PHEX: variants seen among roughly 807,000 people sequenced by gnomAD.
PHEX encodes the protein phosphate-regulating neutral endopeptidase PHEX.
PHEX carries 16 observed loss-of-function variants against 68.0 expected under a neutral mutation model. The observed-to-expected ratio is 0.24, with a 90% confidence interval of 0.16 to 0.36. PHEX has a LOEUF of 0.36. Ranked by LOEUF, PHEX falls within the 10% of genes least tolerant of loss-of-function variation. PHEX has a pLI of 1.00. For missense variants in PHEX, 480 were observed against 575.5 expected (o/e 0.83, Z 1.70); for synonymous variants, 208 against 205.1 (o/e 1.01, Z -0.12).
chrX:22,065,458 G>C (rs1928551296), intron 3 of PHEX, among the ~76,000 whole-genome samples: 1 of 110,322 alleles, frequency 9.1e-6, no homozygotes, highest in Non-Finnish European at 1.9e-5. Flanking sequence ...ACAGAGTCTT[G>C]CTCTTTCACC....
At chrX:22,064,536 G>C (rs1025584319) in intron 3 of PHEX, among the ~76,000 whole-genome samples, 1 of 111,535 alleles carries the variant, frequency 9.0e-6, no homozygotes, top group African/African-American at 3.3e-5. Flanking sequence ...TTTTCTTTAT[G>C]TAGTTCCAGA....
chrX:22,099,749 G>T (rs1396167950), intron 9 of PHEX, among the ~76,000 whole-genome samples: 1 of 110,942 alleles, frequency 9.0e-6, no homozygotes, highest in African/African-American at 3.4e-5. Context: ...AATTTTACAG[G>T]TTCCTTAAGG....
In PHEX at chrX:22,114,545, A is replaced by G. The variant is rs764839343; in HGVS notation, c.1261A>G (p.Met421Val). The G allele has an allele frequency of 1.7e-6, 2 of 1,200,285 alleles. No individual in the cohort carries two copies. The highest frequency in any genetic ancestry group is 3.5e-5 in the South Asian group (2 of 56,736). The change falls in exon 11 of 22, where the codon ATG becomes GTG. Residue 421 changes from methionine (M) to valine (V), a missense_variant. Physicochemically the swap from Met to Val is conservative, Grantham distance 21 (BLOSUM62 1). Transcript: ENST00000379374. ...ESALPYVVGK[M>V]FVDVYFQEDK... Reference sequence around the variant, plus strand: ...TGCCCTCCCTTATGTTGTTGGAAAGATGTTTGTAGATGTGTACTTCCAGGA... The same window carrying G: ...TGCCCTCCCTTATGTTGTTGGAAAGGTGTTTGTAGATGTGTACTTCCAGGA...
chrX:22,155,366 A>G (rs757041048), intron 12 of PHEX, among the ~76,000 whole-genome samples: 5 of 112,530 alleles, frequency 4.4e-5, no homozygotes, highest in Admixed American at 1.9e-4. Flanking sequence ...TTCCCACTTA[A>G]ACTGTTGATG....
At chrX:22,051,185 C>A (rs1003393012) in intron 3 of PHEX, among the ~76,000 whole-genome samples, 5 of 112,190 alleles carry the variant, frequency 4.5e-5, no homozygotes, top group South Asian at 3.7e-4. Flanking sequence ...AGAAGGAGAG[C>A]AAATGGTGGA....
intron 12 of PHEX, among the ~76,000 whole-genome samples, chrX:22,160,858 G>A (rs937116588): frequency 1.8e-5 from 2 of 111,765 alleles, no homozygotes; most frequent in African/African-American, 6.5e-5. Flanking sequence ...TGGAAGCTGA[G>A]TGTGGTGGCT....
intron 20 of PHEX, among the ~76,000 whole-genome samples, chrX:22,230,229 C>CTTTTT (rs140475343): frequency 1.1e-3 from 12 of 10,941 alleles, no homozygotes; most frequent in Non-Finnish European, 1.6e-3. Context: ...TATATGGGCT[C>CTTTTT]TTTTTTTTTT....
intron 9 of PHEX, among the ~76,000 whole-genome samples, chrX:22,103,368 C>A (rs1930514319): frequency 9.1e-6 from 1 of 110,332 alleles, no homozygotes; most frequent in Non-Finnish European, 1.9e-5. Flanking sequence ...TGGAAAAATT[C>A]TTTAGTGGTG....
At chrX:22,201,829 A>G (rs2147150891) in intron 15 of PHEX, among the ~76,000 whole-genome samples, 1 of 111,724 alleles carries the variant, frequency 9.0e-6, no homozygotes, top group South Asian at 3.8e-4. Flanking sequence ...GATTAAAGAC[A>G]GGATGTAAGC....
intron 11 of PHEX, among the ~76,000 whole-genome samples, chrX:22,122,354 C>T (rs1166943083): frequency 9.0e-6 from 1 of 111,192 alleles, no homozygotes; most frequent in African/African-American, 3.3e-5. Context: ...AGATCACTTT[C>T]CAGAGAAACT....
At position 22,058,188 on chromosome X, in the gene PHEX, AG is replaced by A. The variant is rs907737417; in HGVS notation, c.349+10978del. On this transcript the variant is annotated intron_variant, in intron 3 of 21. Transcript: ENST00000379374. ...TGGTTCAAGTTTGGGTTCTGAGAAA[AG>A]AAAAAAAAAAAGGGATTCTGCCACT... Among the ~76,000 whole-genome samples the A allele has an allele frequency of 2.7e-5, 3 of 110,364 alleles. No homozygotes were observed. The Admixed American group carries it at 2.9e-4, about 11-fold the overall frequency.
At chrX:22,050,036 C>G (rs1318101105) in intron 3 of PHEX, among the ~76,000 whole-genome samples, 1 of 112,457 alleles carries the variant, frequency 8.9e-6, no homozygotes, top group Non-Finnish European at 1.9e-5. Context: ...CACATCCATT[C>G]GCTTATGCAT....
chrX:22,244,081 C>T lies in PHEX; in HGVS notation c.2071-1252C>T, dbSNP rs770643933. Among the ~76,000 whole-genome samples, 5 of 112,135 alleles carry T rather than the reference C, an allele frequency of 4.5e-5. No homozygotes were observed. The South Asian group carries it at 1.9e-3, about 42-fold the overall frequency. On this transcript the variant is annotated intron_variant, in intron 20 of 21. Coordinates refer to ENST00000379374, the MANE Select transcript of PHEX (RefSeq NM_000444.6). ...GGATAAAGAAAATGTGGCACATATACACCATGGAATACTATGCAGCCATAA... is the reference window on the plus strand; with the variant it reads ...GGATAAAGAAAATGTGGCACATATATACCATGGAATACTATGCAGCCATAA...
At chrX:22,087,594 T>C (rs1602282349) in intron 5 of PHEX, among the ~76,000 whole-genome samples, 1 of 112,051 alleles carries the variant, frequency 8.9e-6, no homozygotes, top group Middle Eastern at 4.6e-3. Context: ...TGTAATCTTA[T>C]ACAAATTTAT....
chrX:22,228,834 C>G (rs989829623), intron 20 of PHEX, among the ~76,000 whole-genome samples: 17 of 111,750 alleles, frequency 1.5e-4, no homozygotes, highest in African/African-American at 5.5e-4. Context: ...CCCATCAACC[C>G]GTCACCTACA....
At chrX:22,082,348 CT>C (rs1421793419) in intron 5 of PHEX, among the ~76,000 whole-genome samples, 1 of 111,940 alleles carries the variant, frequency 8.9e-6, no homozygotes. Flanking sequence ...TTTCTTTTTC[CT>C]TATATCCATG....
intron 18 of PHEX, among the ~76,000 whole-genome samples, chrX:22,225,023 T>C (rs1477441910): frequency 7.0e-4 from 1 of 1,426 alleles, no homozygotes; most frequent in Non-Finnish European, 2.5e-3. Flanking sequence ...CTCAGTGGAC[T>C]AAAATCAAAG....
intron 2 of PHEX, among the ~76,000 whole-genome samples, chrX:22,040,375 C>T (rs1283668696): frequency 9.0e-6 from 1 of 111,604 alleles, no homozygotes; most frequent in African/African-American, 3.3e-5. Context: ...GGTGTGGTGA[C>T]ACGTGCCTTT....
At chrX:22,197,652 T>A (rs1934409357) in intron 15 of PHEX, among the ~76,000 whole-genome samples, 1 of 111,272 alleles carries the variant, frequency 9.0e-6, no homozygotes, top group Non-Finnish European at 1.9e-5. Context: ...ACCACCCAAA[T>A]AAGCTGTTTC....
Sources: allele counts gnomAD v4.1 joint callset (sites outside exome capture counted in the v4.1 genomes callset), GRCh38; gene constraint gnomAD v4.1.1; transcripts MANE v1.5; gene names NCBI Gene and HGNC (gene_info 2026-07-23, HGNC 2026-07-21).